Variants in SNX9 observed in about 807,000 individuals in gnomAD.
The protein encoded by SNX9 is sorting nexin 9.
SNX9 carries 44 observed loss-of-function variants against 89.4 expected under a neutral mutation model. The observed-to-expected ratio is 0.49, with a 90% confidence interval of 0.39 to 0.63. The LOEUF is 0.63. Among genes scored for constraint, SNX9 ranks in the 30% least tolerant of loss-of-function variants. SNX9 has a pLI of 0.00. For missense variants in SNX9, 578 were observed against 736.1 expected, an observed-to-expected ratio of 0.79 and a Z score of 2.49; for synonymous variants, 236 against 247.8, an observed-to-expected ratio of 0.95 and a Z score of 0.45.
chr6:157,897,705 A>G (rs1484871298), intron 5 of SNX9, among the ~76,000 whole-genome samples: 1 of 152,036 alleles, frequency 6.6e-6, no homozygotes, highest in Non-Finnish European at 1.5e-5. Flanking sequence ...TATTAGAGGC[A>G]AGGTTTCACC....
chr6:157,870,025 TCACA>T (rs1274656134), intron 2 of SNX9, among the ~76,000 whole-genome samples: 1 of 151,808 alleles, frequency 6.6e-6, no homozygotes, highest in East Asian at 1.9e-4. Context: ...AGTCGCATGC[TCACA>T]CACATAGGCA....
At chr6:157,905,715 A>G (rs1294235771) in intron 6 of SNX9, among the ~76,000 whole-genome samples, 2 of 152,216 alleles carry the variant, frequency 1.3e-5, no homozygotes, top group Non-Finnish European at 2.9e-5. Flanking sequence ...GCCTGTTGAA[A>G]GGCAACTTTA....
At chr6:157,874,865 G>A in intron 3 of SNX9, 186 bp from the exon 4 acceptor site, 1 of 527,980 alleles carries the variant, frequency 1.9e-6, no homozygotes, top group South Asian at 3.8e-5. Flanking sequence ...TTAAAAAATA[G>A]TTTGAACTAA....
chr6:157,902,144 C>A, intron 6 of SNX9, 99 bp downstream of exon 6: 1 of 1,057,498 alleles, frequency 9.5e-7, no homozygotes, highest in Non-Finnish European at 1.2e-6. Flanking sequence ...TTTTCCCTTT[C>A]CAGTGATCTC....
At chr6:157,912,831 G>A (rs1783378989) in intron 9 of SNX9, among the ~76,000 whole-genome samples, 1 of 152,084 alleles carries the variant, frequency 6.6e-6, no homozygotes, top group South Asian at 2.1e-4. Flanking sequence ...CATATACTTA[G>A]TGAAAACCTT....
intron 6 of SNX9, among the ~76,000 whole-genome samples, chr6:157,904,202 G>A (rs558882702): frequency 1.3e-5 from 2 of 152,216 alleles, no homozygotes; most frequent in East Asian, 1.9e-4. Flanking sequence ...TTGGGAGGCC[G>A]AGGCAGGCAG....
At chr6:157,831,613 C>T (rs1310333440) in intron 1 of SNX9, among the ~76,000 whole-genome samples, 1 of 152,216 alleles carries the variant, frequency 6.6e-6, no homozygotes. Context: ...GAGCCAGGCT[C>T]CCAGGTTTGT....
chr6:157,915,462 G>A (rs1191985378), intron 9 of SNX9, among the ~76,000 whole-genome samples: 2 of 151,064 alleles, frequency 1.3e-5, no homozygotes, highest in Non-Finnish European at 2.9e-5. Context: ...TCAACATACA[G>A]ATTCTGCATA....
At chr6:157,900,958 G>A (rs1021235778) in intron 5 of SNX9, among the ~76,000 whole-genome samples, 3 of 152,172 alleles carry the variant, frequency 2.0e-5, no homozygotes, top group Non-Finnish European at 4.4e-5. Context: ...CAAGATGAGG[G>A]CGTTTATAGC....
chr6:157,871,893 C>T (rs971965030), intron 2 of SNX9, among the ~76,000 whole-genome samples: 30 of 151,582 alleles, frequency 2.0e-4, no homozygotes, highest in Middle Eastern at 3.4e-3. Flanking sequence ...TCTCATGCCC[C>T]AGCCTCCCGA....
At chr6:157,894,398 C>T (rs1782932879) in intron 4 of SNX9, among the ~76,000 whole-genome samples, 1 of 148,864 alleles carries the variant, frequency 6.7e-6, no homozygotes, top group South Asian at 2.1e-4. Context: ...GCATGAGCCA[C>T]TGTGCCCGGC....
In SNX9 at chr6:157,942,918, T is replaced by G; in HGVS notation, c.*80T>G. On this transcript the variant is annotated 3_prime_UTR_variant, in exon 18 of 18. Transcript: ENST00000392185. ...GCAATTCAAAACTTTTTTTCCCCTA[T>G]TATTCAGAAAAAAAAGGAAACAAAA... 7.0e-7 allele frequency: 1 copy of G among 1,437,688 alleles called. No individual in the cohort carries two copies. The highest frequency in any genetic ancestry group is 1.3e-5 in the South Asian group (1 of 76,006). The allele number at this position is 1,437,688 out of a possible 1,614,324, so 89.1% of individuals were successfully genotyped here. A position where few individuals can be genotyped will look rare whatever the true frequency, so the allele number is the denominator to read the frequency against.
At chr6:157,880,906 A>G (rs994765153) in intron 4 of SNX9, among the ~76,000 whole-genome samples, 1 of 152,240 alleles carries the variant, frequency 6.6e-6, no homozygotes, top group African/African-American at 2.4e-5. Context: ...TTTTGGAAAA[A>G]GTAAATGAAA....
chr6:157,896,694 A>G, intron 4 of SNX9, 133 bp from the exon 5 acceptor site: 1 of 1,010,550 alleles, frequency 9.9e-7, no homozygotes, highest in South Asian at 1.5e-5. Context: ...ATGTATGTAA[A>G]ATTGTTTTGA....
Position 157,928,586 on chromosome 6 carries a change from C to T in SNX9, c.1185-13C>T. The T allele has an allele frequency of 6.3e-7, 1 of 1,594,880 alleles. No homozygotes were observed. Among genetic ancestry groups the T allele is most frequent in the South Asian group, 1.1e-5 (1 of 87,610 alleles). ...CTCCTGCTTATGTGACTGACGGCCG[C>T]CTTCACCCACAGAGAGCAGAAGTGC... is the stretch of plus-strand genomic sequence containing the variant. On this transcript the variant is annotated splice_polypyrimidine_tract_variant and intron_variant, in intron 11 of 17. Coordinates refer to ENST00000392185, the MANE Select transcript of SNX9 (RefSeq NM_016224.5).
intron 13 of SNX9, among the ~76,000 whole-genome samples, chr6:157,935,147 A>C (rs1232852273): frequency 6.6e-6 from 1 of 152,230 alleles, no homozygotes; most frequent in African/African-American, 2.4e-5. Flanking sequence ...TTAAGCACTT[A>C]ACCTGCTTTT....
chr6:157,917,879 G>A (rs775058116), intron 9 of SNX9, among the ~76,000 whole-genome samples: 3 of 152,036 alleles, frequency 2.0e-5, no homozygotes, highest in Admixed American at 6.6e-5. Context: ...TGCAGAGACC[G>A]TGGATACAGA....
intron 6 of SNX9, among the ~76,000 whole-genome samples, chr6:157,904,358 C>A (rs189257760): frequency 6.6e-6 from 1 of 151,850 alleles, no homozygotes; most frequent in African/African-American, 2.4e-5. Flanking sequence ...CGCTTGAACC[C>A]GGGAGACGGA....
Position 157,909,809 on chromosome 6 carries a change from A to C in SNX9, c.831+19A>C. The C allele has an allele frequency of 2.5e-6, 4 of 1,613,498 alleles. No homozygotes were observed. Among genetic ancestry groups the C allele is most frequent in the Non-Finnish European group, 3.4e-6 (4 of 1,179,680 alleles). On this transcript the variant is annotated intron_variant, in intron 8 of 17. Coordinates refer to ENST00000392185, the MANE Select transcript of SNX9 (RefSeq NM_016224.5). ...ACCTACTGTAAGTATCCACGTTATCAAAAGCAGAATCATGTTTGGATCACT... is the reference window on the plus strand; with the variant it reads ...ACCTACTGTAAGTATCCACGTTATCCAAAGCAGAATCATGTTTGGATCACT...
Sources: gnomAD v4.1 joint callset for allele counts (sites outside exome capture counted in the v4.1 genomes callset) on GRCh38, gnomAD v4.1.1 for gene constraint, MANE v1.5 for transcripts, NCBI Gene and HGNC (gene_info 2026-07-23, HGNC 2026-07-21) for gene names.